Variants in SLC24A2 observed in about 807,000 individuals in gnomAD.
The protein encoded by SLC24A2 is solute carrier family 24 member 2.
Under a neutral mutation model 62.0 loss-of-function variants are expected in SLC24A2, and 36 were observed. The observed-to-expected ratio is 0.58, with a 90% CI of 0.44 to 0.77. The LOEUF is 0.77. Ranked by LOEUF, SLC24A2 falls within the 30% of genes least tolerant of loss-of-function variation. SLC24A2 has a pLI of 0.00. For missense variants in SLC24A2, 846 were observed against 817.9 expected (o/e 1.03, Z -0.42); for synonymous variants, 358 against 294.0 (o/e 1.22, Z -2.23).
the SLC24A2 span, among the ~76,000 whole-genome samples, chr9:19,991,798 T>G: frequency 6.6e-6 from 1 of 152,122 alleles, no homozygotes; most frequent in East Asian, 1.9e-4. Context: ...TGGTTGATTA[T>G]AGAGGAGAGA....
intron 10 of SLC24A2, among the ~76,000 whole-genome samples, chr9:19,518,545 C>T (rs1331969623): frequency 6.6e-6 from 1 of 151,836 alleles, no homozygotes; most frequent in African/African-American, 2.4e-5. Context: ...CCTCAGCTTC[C>T]CGAGTAGCTG....
intron 2 of SLC24A2, among the ~76,000 whole-genome samples, chr9:19,784,567 A>G (rs1247326026): frequency 1.3e-5 from 2 of 152,194 alleles, no homozygotes; most frequent in African/African-American, 2.4e-5. Flanking sequence ...AAGACTATCA[A>G]TGTACACCAC....
the SLC24A2 span, among the ~76,000 whole-genome samples, chr9:19,873,164 T>G: frequency 6.6e-6 from 1 of 151,980 alleles, no homozygotes; most frequent in South Asian, 2.1e-4. Context: ...CATTAAATAG[T>G]TGAATCTAAG....
At chr9:19,778,784 G>A (rs1822921150) in intron 2 of SLC24A2, among the ~76,000 whole-genome samples, 2 of 151,978 alleles carry the variant, frequency 1.3e-5, no homozygotes, top group Admixed American at 6.6e-5. Flanking sequence ...TATGCTCAAA[G>A]TTTAAAAAAA....
At chr9:20,076,290 A>G in the SLC24A2 span, among the ~76,000 whole-genome samples, 109 of 152,304 alleles carry the variant, frequency 7.2e-4, 1 homozygote, top group East Asian at 0.016. Flanking sequence ...AAAACTAGAG[A>G]GAGCTACCTA....
chr9:20,167,106 C>T, the SLC24A2 span, among the ~76,000 whole-genome samples: 1 of 152,006 alleles, frequency 6.6e-6, no homozygotes, highest in Admixed American at 6.6e-5. Context: ...TGAGCCACTG[C>T]ACCCTGCAAT....
the SLC24A2 span, among the ~76,000 whole-genome samples, chr9:20,095,268 TGATAAA>T: frequency 6.6e-6 from 1 of 152,228 alleles, no homozygotes; most frequent in South Asian, 2.1e-4. Flanking sequence ...TGGTAAACAT[TGATAAA>T]GATAATCTAT....
Position 19,675,414 on chromosome 9 carries a change from G to A in SLC24A2, c.931-53115C>T, listed in dbSNP as rs1046736146. On this transcript the variant is annotated intron_variant, in intron 2 of 10. Transcript: ENST00000341998. ...ATCAGGTGGTGGGCAGGGCCCTAGA[G>A]CTGCCAAGAGATTGTGTCCTTTGTC... Among the ~76,000 whole-genome samples the A allele has an allele frequency of 2.6e-5, 4 of 152,132 alleles. No individual in the cohort carries two copies. The East Asian group carries it at 7.7e-4, about 29-fold the overall frequency.
chr9:19,531,702 AC>A (rs1426782583), intron 8 of SLC24A2, among the ~76,000 whole-genome samples: 1 of 73,650 alleles, frequency 1.4e-5, no homozygotes, highest in East Asian at 5.2e-4. Context: ...ACCCCCCCCC[AC>A]CCCCCAAATC....
intron 4 of SLC24A2, among the ~76,000 whole-genome samples, chr9:19,604,933 A>AATGTTCAT (rs1836942022): frequency 6.6e-6 from 1 of 152,220 alleles, no homozygotes; most frequent in Admixed American, 6.5e-5. Flanking sequence ...TTTAAAGTAG[A>AATGTTCAT]ATGTTCATAC....
chr9:20,087,721 T>C, the SLC24A2 span, among the ~76,000 whole-genome samples: 2 of 152,196 alleles, frequency 1.3e-5, no homozygotes, highest in Admixed American at 6.5e-5. Context: ...AAGCAGCTAG[T>C]GTGCACTGCT....
At chr9:20,134,241 C>G in the SLC24A2 span, among the ~76,000 whole-genome samples, 1 of 152,148 alleles carries the variant, frequency 6.6e-6, no homozygotes, top group Admixed American at 6.6e-5. Flanking sequence ...TGAACTGATT[C>G]TGAATACTGC....
At chr9:19,655,669 A>T (rs1335840547) in intron 2 of SLC24A2, among the ~76,000 whole-genome samples, 1 of 152,148 alleles carries the variant, frequency 6.6e-6, no homozygotes, top group South Asian at 2.1e-4. Context: ...TTCACTACAG[A>T]TTTATGGAGT....
chr9:19,684,789 G>C (rs117638049), intron 2 of SLC24A2, among the ~76,000 whole-genome samples: 2 of 151,996 alleles, frequency 1.3e-5, no homozygotes, highest in Non-Finnish European at 2.9e-5. Flanking sequence ...ACTATGTTTT[G>C]AGGAGAAGGA....
the SLC24A2 span, among the ~76,000 whole-genome samples, chr9:19,834,806 T>G: frequency 6.6e-6 from 1 of 151,802 alleles, no homozygotes; most frequent in Non-Finnish European, 1.5e-5. Context: ...AAGGAAAAAA[T>G]GTTAAGGGCA....
At chr9:19,604,647 CA>C (rs756940352) in intron 4 of SLC24A2, among the ~76,000 whole-genome samples, 2 of 151,580 alleles carry the variant, frequency 1.3e-5, no homozygotes, top group Non-Finnish European at 1.5e-5. Flanking sequence ...AACAAACAAA[CA>C]AAAAAACTCC....
intron 2 of SLC24A2, among the ~76,000 whole-genome samples, chr9:19,652,950 C>G (rs1818843126): frequency 1.9e-5 from 1 of 52,882 alleles, no homozygotes. Flanking sequence ...TTTCAACCTT[C>G]TCTTCCATCC....
At chr9:19,939,002 A>T in the SLC24A2 span, among the ~76,000 whole-genome samples, 12 of 152,274 alleles carry the variant, frequency 7.9e-5, no homozygotes, top group Admixed American at 1.3e-4. Flanking sequence ...GGAAAAACTC[A>T]TAAGGTATCT....
chr9:19,982,708 A>G, the SLC24A2 span, among the ~76,000 whole-genome samples: 3 of 152,194 alleles, frequency 2.0e-5, no homozygotes, highest in Admixed American at 2.0e-4. Flanking sequence ...CCCTAATACC[A>G]AAAGCCAGAC....
Sources: gnomAD v4.1 joint callset for allele counts (sites outside exome capture counted in the v4.1 genomes callset) on GRCh38, gnomAD v4.1.1 for gene constraint, MANE v1.5 for transcripts, NCBI Gene and HGNC (gene_info 2026-07-23, HGNC 2026-07-21) for gene names.